Variants in PTGFRN observed in about 807,000 individuals in gnomAD.
PTGFRN encodes prostaglandin F2 receptor negative regulator.
In PTGFRN, 35 loss-of-function variants were observed where a neutral mutation model predicts 83.2. That is an observed-to-expected ratio of 0.42 (90% confidence interval 0.32 to 0.56). The LOEUF (loss-of-function observed/expected upper bound fraction) is 0.56, where lower values mean the gene tolerates loss of function less well. Among genes scored for constraint, PTGFRN ranks in the 20% least tolerant of loss-of-function variants. The pLI is 0.11. For synonymous variants in PTGFRN, 519 were observed against 498.6 expected (o/e 1.04, Z -0.55); for missense variants, 1,051 against 1,179.5 (o/e 0.89, Z 1.60).
At chr1:116,967,352 A>G in intron 6 of PTGFRN, 22 bp downstream of exon 6, 1 of 1,595,436 alleles carries the variant, frequency 6.3e-7, no homozygotes, top group South Asian at 1.1e-5. Flanking sequence ...GCCCTGTTGA[A>G]TCATAGGTGG....
At chr1:116,930,081 A>G (rs2806867) in intron 1 of PTGFRN, among the ~76,000 whole-genome samples, 17,230 of 152,236 alleles carry the variant, frequency 0.11, 3,241 homozygotes, top group African/African-American at 0.39. Flanking sequence ...GGCATATAGT[A>G]GGAGTCTGCT....
intron 4 of PTGFRN, among the ~76,000 whole-genome samples, chr1:116,959,523 G>A (rs1650589306): frequency 6.6e-6 from 1 of 152,188 alleles, no homozygotes; most frequent in Non-Finnish European, 1.5e-5. Flanking sequence ...CTTGACCTCA[G>A]CAGTTTGTAA....
At position 116,987,208 on chromosome 1, in the gene PTGFRN, G is replaced by T; in HGVS notation, c.*241G>T. The T allele has an allele frequency of 2.2e-6, 1 of 461,208 alleles. No homozygotes were observed. Among genetic ancestry groups the T allele is most frequent in the East Asian group, 4.0e-5 (1 of 25,160 alleles). The allele number at this position is 461,208 out of a possible 1,614,324, so 28.6% of individuals were successfully genotyped here. On this transcript the variant is annotated 3_prime_UTR_variant, in exon 9 of 9. Transcript: ENST00000393203. ...CAATCGAGTGTGTGTTTTCCCAACT[G>T]CAGCTTTTTAATGGTTAACCTTCAT... is the stretch of plus-strand genomic sequence containing the variant.
At chr1:116,939,405 C>T (rs1357372683) in intron 1 of PTGFRN, among the ~76,000 whole-genome samples, 2 of 152,276 alleles carry the variant, frequency 1.3e-5, no homozygotes, top group African/African-American at 4.8e-5. Flanking sequence ...CACCACGTGG[C>T]AGCTGCCAAG....
chr1:116,965,379 G>C (rs553582808), intron 5 of PTGFRN, among the ~76,000 whole-genome samples: 25 of 152,082 alleles, frequency 1.6e-4, no homozygotes, highest in African/African-American at 6.0e-4. Flanking sequence ...ACTCGTTGTC[G>C]CCTCAAACTC....
chr1:116,977,540 A>G (rs1054124811), intron 7 of PTGFRN, among the ~76,000 whole-genome samples: 3 of 152,266 alleles, frequency 2.0e-5, no homozygotes, highest in African/African-American at 7.2e-5. Context: ...CCACACTGCA[A>G]TCAGACTAGA....
At chr1:116,930,075 T>TGAAAAAA (rs1649756115) in intron 1 of PTGFRN, among the ~76,000 whole-genome samples, 2 of 152,246 alleles carry the variant, frequency 1.3e-5, no homozygotes, top group African/African-American at 4.8e-5. Flanking sequence ...AACAAAGGCA[T>TGAAAAAA]ATAGTAGGAG....
At chr1:116,975,835 C>T (rs908829189) in intron 7 of PTGFRN, among the ~76,000 whole-genome samples, 13 of 152,308 alleles carry the variant, frequency 8.5e-5, no homozygotes, top group Middle Eastern at 3.4e-3. Flanking sequence ...TCCAAAGGAA[C>T]GCAGCTCTTC....
chr1:116,913,115 G>A (rs1261165475), intron 1 of PTGFRN, among the ~76,000 whole-genome samples: 1 of 152,198 alleles, frequency 6.6e-6, no homozygotes, highest in Non-Finnish European at 1.5e-5. Flanking sequence ...TGAGCGGCTG[G>A]TGGGTGTGAG....
chr1:116,979,591 G>C lies in PTGFRN; in HGVS notation c.2168-5089G>C, dbSNP rs947844625. 7.0e-4 allele frequency among the ~76,000 whole-genome samples: 106 copies of C among 152,154 alleles called. 3 individuals are homozygous for C. The highest frequency in any genetic ancestry group is 2.1e-4 in the Non-Finnish European group (14 of 68,044). ...ACACATCTACAACTATCTGATCTTT[G>C]ACAAACCTGAGAAAAACAAGACATG... On this transcript the variant is annotated intron_variant, in intron 7 of 8. Transcript: ENST00000393203.
At chr1:116,924,016 G>A (rs1022870037) in intron 1 of PTGFRN, among the ~76,000 whole-genome samples, 11 of 152,088 alleles carry the variant, frequency 7.2e-5, no homozygotes, top group East Asian at 1.9e-4. Flanking sequence ...GAAACAAACT[G>A]AACATTAAAG....
rs985945166 is a variant in PTGFRN at position 116,981,083 on chromosome 1, A to G, written c.2168-3597A>G. ...TATTAGCATTGCCAACAGGATGCCT[A>G]AGAGTTGTGGGACCCATCAGTCTTA... On this transcript the variant is annotated intron_variant, in intron 7 of 8. Transcript: ENST00000393203. Among the ~76,000 whole-genome samples the G allele has an allele frequency of 3.9e-5, 6 of 152,196 alleles. 1 individual carries two copies. Among genetic ancestry groups the G allele is most frequent in the African/African-American group, 1.4e-4 (6 of 41,454 alleles).
chr1:116,914,976 A>G (rs1481807942), intron 1 of PTGFRN, among the ~76,000 whole-genome samples: 1 of 152,186 alleles, frequency 6.6e-6, no homozygotes, highest in Non-Finnish European at 1.5e-5. Flanking sequence ...ATTCCTCACA[A>G]CAATACTTTG....
chr1:116,962,888 C>T lies in PTGFRN; in HGVS notation c.1639+1220C>T, dbSNP rs185095588. 1.5e-4 allele frequency among the ~76,000 whole-genome samples: 23 copies of T among 152,318 alleles called. No individual in the cohort carries two copies. In the East Asian group the frequency reaches 4.4e-3, roughly 29 times the overall value. ...ACTAGGGTGCCCATTTGTAGTCCAG[C>T]GTACACCTGGAATGGTGTACATTAT... On this transcript the variant is annotated intron_variant, in intron 5 of 8. Coordinates refer to ENST00000393203, the MANE Select transcript of PTGFRN (RefSeq NM_020440.4).
chr1:116,946,468 C>T (rs186005955), intron 3 of PTGFRN, among the ~76,000 whole-genome samples: 5 of 152,318 alleles, frequency 3.3e-5, no homozygotes, highest in African/African-American at 1.2e-4. Context: ...TAAGAAACCT[C>T]TAGATATTAA....
chr1:116,943,161 A>G (rs1305273727), intron 2 of PTGFRN, among the ~76,000 whole-genome samples: 1 of 152,248 alleles, frequency 6.6e-6, no homozygotes, highest in Non-Finnish European at 1.5e-5. Context: ...CATGACTTGT[A>G]GAACCCTGCC....
chr1:116,961,232 C>G lies in PTGFRN; in HGVS notation c.1214-11C>G, dbSNP rs1368679756. 5.3e-6 allele frequency: 8 copies of G among 1,500,808 alleles called. No homozygotes were observed. In the South Asian group the frequency reaches 1.2e-4, roughly 22 times the overall value. The allele number at this position is 1,500,808 out of a possible 1,614,324, so 93.0% of individuals were successfully genotyped here. A position where few individuals can be genotyped will look rare whatever the true frequency, so the allele number is the denominator to read the frequency against. On this transcript the variant is annotated splice_polypyrimidine_tract_variant and intron_variant, in intron 4 of 8. Transcript: ENST00000393203. The surrounding 1 kb of genome is among the most constrained non-coding windows in gnomAD (Gnocchi z 5.4). ...TATTTTCCTATCCTGGCCTTTCTGT[C>G]TCTCGTTCAGAACCAGACTACCAGG... is the stretch of plus-strand genomic sequence containing the variant.
At chr1:116,959,817 A>G (rs559179765) in intron 4 of PTGFRN, among the ~76,000 whole-genome samples, 8 of 152,206 alleles carry the variant, frequency 5.3e-5, no homozygotes, top group African/African-American at 1.7e-4. Context: ...CTACTAAAAA[A>G]ATGCAAAAAT....
chr1:116,985,979 C>T (rs1297768139), intron 8 of PTGFRN, among the ~76,000 whole-genome samples: 1 of 152,214 alleles, frequency 6.6e-6, no homozygotes, highest in Non-Finnish European at 1.5e-5. Flanking sequence ...GTCCAGGGGC[C>T]TCCGAGGATG....
Sources: allele counts gnomAD v4.1 joint callset (sites outside exome capture counted in the v4.1 genomes callset), GRCh38; gene constraint gnomAD v4.1.1; non-coding constraint Gnocchi (gnomAD v3.1); transcripts MANE v1.5; gene names NCBI Gene and HGNC (gene_info 2026-07-23, HGNC 2026-07-21).